The following LEPR variants were observed in gnomAD, a reference collection of about 807,000 sequenced individuals.
The protein encoded by LEPR is leptin receptor.
A neutral mutation model predicts 114.7 loss-of-function variants in LEPR; 56 were observed. The observed-to-expected ratio is 0.49, with a 90% CI of 0.39 to 0.61. The LOEUF (loss-of-function observed/expected upper bound fraction) is 0.61. Among genes scored for constraint, LEPR ranks in the 20% least tolerant of loss-of-function variants. The probability of loss-of-function intolerance (pLI) is 0.00; values close to 1 mark genes in which losing one functional copy is unlikely to be tolerated. For missense variants in LEPR, 1,202 were observed against 1,352.9 expected (o/e 0.89, Z 1.75); for synonymous variants, 443 against 461.4 (o/e 0.96, Z 0.51).
At chr1:65,584,921 G>A (rs1655218558) in intron 5 of LEPR, among the ~76,000 whole-genome samples, 1 of 151,844 alleles carries the variant, frequency 6.6e-6, no homozygotes, top group Admixed American at 6.6e-5. Flanking sequence ...TTTACAAAAT[G>A]CTTCTTAAAC....
intron 2 of LEPR, among the ~76,000 whole-genome samples, chr1:65,502,649 A>T (rs968124645): frequency 1.7e-4 from 26 of 152,186 alleles, no homozygotes; most frequent in African/African-American, 4.8e-5. Flanking sequence ...AGAAATCATC[A>T]TATAGAAAGT....
rs775700129 is a variant in LEPR at position 65,610,188 on chromosome 1, C to T, written c.1913-26C>T. The T allele has an allele frequency of 6.8e-6, 11 of 1,613,906 alleles. No individual in the cohort carries two copies. In the African/African-American group the frequency reaches 1.5e-4, roughly 22 times the overall value. The stretch of plus-strand genomic sequence containing the variant: ...TGGCTGAAAAGTATTTCTTCAAAAA[C>T]ATATACACAACTTGTCATTTTGCAG... On this transcript the variant is annotated intron_variant, in intron 13 of 19. Transcript: ENST00000349533.
At chr1:65,604,529 C>T (rs1037068008) in intron 10 of LEPR, among the ~76,000 whole-genome samples, 5 of 152,088 alleles carry the variant, frequency 3.3e-5, no homozygotes, top group Non-Finnish European at 5.9e-5. Context: ...GTTGCCCAGG[C>T]TGGTCTGGAA....
chr1:65,505,910 C>A (rs756084791), intron 2 of LEPR, among the ~76,000 whole-genome samples: 3 of 152,072 alleles, frequency 2.0e-5, no homozygotes, highest in Admixed American at 6.6e-5. Flanking sequence ...ACTCTTTCTC[C>A]CCCACCTCTT....
chr1:65,623,047 T>C (rs751815565), intron 19 of LEPR, 66 bp downstream of exon 19: 24 of 1,462,654 alleles, frequency 1.6e-5, no homozygotes, highest in South Asian at 4.7e-5. Flanking sequence ...ATATGACTTA[T>C]AGAGCATTAA....
chr1:65,513,197 G>T (rs1445207233), intron 2 of LEPR, among the ~76,000 whole-genome samples: 3 of 152,176 alleles, frequency 2.0e-5, no homozygotes, highest in African/African-American at 7.2e-5. Context: ...GGCCTCTGAA[G>T]CCAGCATGCT....
At chr1:65,554,243 G>A (rs968479940) in intron 2 of LEPR, among the ~76,000 whole-genome samples, 2 of 152,168 alleles carry the variant, frequency 1.3e-5, no homozygotes, top group African/African-American at 4.8e-5. Context: ...CTGTGCTGGG[G>A]GATCCACTGC....
At position 65,547,550 on chromosome 1, in the gene LEPR, C is replaced by T. The variant is rs545340231; in HGVS notation, c.-20-17996C>T. ...TTTAGTCTTGGGAGAGTGTATGTGT[C>T]GAGGAATTTATCCATTTCTTCTAGA... On this transcript the variant is annotated intron_variant, in intron 2 of 19. Transcript: ENST00000349533. Among the ~76,000 whole-genome samples the T allele has an allele frequency of 5.4e-3, 814 of 151,692 alleles. 11 individuals carry two copies. Among genetic ancestry groups the T allele is most frequent in the African/African-American group, 0.018 (759 of 41,266 alleles).
At chr1:65,454,582 C>A (rs1306679547) in intron 2 of LEPR, among the ~76,000 whole-genome samples, 10 of 152,122 alleles carry the variant, frequency 6.6e-5, no homozygotes, top group Admixed American at 3.3e-4. Context: ...GTTGAAAATT[C>A]TTTTCTTTAA....
chr1:65,425,866 C>A (rs1252137779), intron 2 of LEPR, among the ~76,000 whole-genome samples: 7 of 152,152 alleles, frequency 4.6e-5, no homozygotes, highest in Admixed American at 4.6e-4. Context: ...CAGGGGAGGA[C>A]ATTCCAGGCA....
intron 2 of LEPR, among the ~76,000 whole-genome samples, chr1:65,429,530 T>C (rs139585232): frequency 1.1e-4 from 16 of 152,312 alleles, no homozygotes; most frequent in African/African-American, 3.6e-4. Context: ...CAAGACACTC[T>C]ACTATGTTCT....
intron 2 of LEPR, among the ~76,000 whole-genome samples, chr1:65,467,679 C>T (rs7520691): frequency 0.077 from 11,710 of 152,272 alleles, 1,512 homozygotes; most frequent in African/African-American, 0.26. Context: ...TGCCGTGCTG[C>T]GGTGGGCTCC....
intron 2 of LEPR, among the ~76,000 whole-genome samples, chr1:65,548,022 G>A (rs1219424141): frequency 2.0e-5 from 3 of 151,144 alleles, no homozygotes; most frequent in Admixed American, 6.6e-5. Flanking sequence ...TGTTCTCGTT[G>A]GTTTCAAAGA....
intron 5 of LEPR, 72 bp from the exon 6 acceptor site, chr1:65,592,585 G>C: frequency 6.6e-7 from 1 of 1,524,390 alleles, no homozygotes. Flanking sequence ...TTAGTATTTA[G>C]TATCCTGCTT....
At chr1:65,490,653 C>T (rs1189817590) in intron 2 of LEPR, among the ~76,000 whole-genome samples, 1 of 152,120 alleles carries the variant, frequency 6.6e-6, no homozygotes, top group Non-Finnish European at 1.5e-5. Context: ...AAAAAGGTGC[C>T]TTAAGACTCC....
At chr1:65,440,557 G>A (rs574220566) in intron 2 of LEPR, among the ~76,000 whole-genome samples, 29 of 152,248 alleles carry the variant, frequency 1.9e-4, no homozygotes, top group African/African-American at 6.3e-4. Context: ...AGAAGATGAC[G>A]TTTGAAGGAA....
intron 3 of LEPR, among the ~76,000 whole-genome samples, chr1:65,569,229 A>G (rs1457376509): frequency 2.6e-5 from 4 of 152,054 alleles, no homozygotes; most frequent in Non-Finnish European, 5.9e-5. Flanking sequence ...GTTTACTTCT[A>G]TTTCCTTACA....
chr1:65,546,549 T>A lies in LEPR; in HGVS notation c.-20-18997T>A, dbSNP rs567098727. Among the ~76,000 whole-genome samples the A allele has an allele frequency of 2.6e-5, 4 of 152,336 alleles. No individual in the cohort carries two copies. The South Asian group carries it at 6.2e-4, about 24-fold the overall frequency. On this transcript the variant is annotated intron_variant, in intron 2 of 19. Transcript: ENST00000349533. ...ATCCCTTGTAAGCTGGATTCCTAAG[T>A]ATTTTATTCTCTTTGAAGCAATTTT...
intron 7 of LEPR, among the ~76,000 whole-genome samples, 170 bp downstream of exon 7, chr1:65,596,763 G>T (rs991191184): frequency 3.4e-4 from 52 of 151,934 alleles, no homozygotes; most frequent in African/African-American, 1.2e-3. Flanking sequence ...ATATACGTAT[G>T]TATATATATG....
Sources: allele counts gnomAD v4.1 joint callset (sites outside exome capture counted in the v4.1 genomes callset), GRCh38; gene constraint gnomAD v4.1.1; transcripts MANE v1.5; gene names NCBI Gene and HGNC (gene_info 2026-07-23, HGNC 2026-07-21).